GPR35: variants seen among roughly 807,000 people sequenced by gnomAD.
GPR35 encodes the protein KYNA receptor.
For missense variants in GPR35, 372 were observed against 422.5 expected, an observed-to-expected ratio of 0.88 and a Z score of 1.05; for synonymous variants, 207 against 198.4, an observed-to-expected ratio of 1.04 and a Z score of -0.36.
chr2:240,616,171 T>G (rs902723501), intron 2 of GPR35, among the ~76,000 whole-genome samples: 3 of 152,116 alleles, frequency 2.0e-5, no homozygotes, highest in African/African-American at 7.2e-5. Flanking sequence ...AAATGGGACG[T>G]AGAGGAGCCG....
At position 240,619,024 on chromosome 2, in the gene GPR35, G is replaced by A. The variant is rs189259871; in HGVS notation, c.-12G>A. The A allele has an allele frequency of 3.0e-4, 211 of 702,626 alleles. 1 individual carries two copies. The East Asian group carries it at 3.6e-3, about 12-fold the overall frequency. The allele number at this position is 702,626 out of a possible 1,614,324, so 43.5% of individuals were successfully genotyped here. On this transcript the variant is annotated 5_prime_UTR_variant, in exon 5 of 6. Coordinates refer to the GPR35 transcript ENST00000319838. Reference sequence around the variant, plus strand: ...GAAGTACATGCTTCATAGTCCTTGCGTCTCTCTGTGAGTACATTCCTAGAA... The same window carrying A: ...GAAGTACATGCTTCATAGTCCTTGCATCTCTCTGTGAGTACATTCCTAGAA...
upstream of GPR35, among the ~76,000 whole-genome samples, chr2:240,622,149 G>A (rs531149125): frequency 6.6e-6 from 1 of 152,262 alleles, no homozygotes; most frequent in African/African-American, 2.4e-5. Flanking sequence ...CAAAGTGCTG[G>A]GATTAGAGGC....
rs1575459803 is a variant in GPR35 at position 240,610,572 on chromosome 2, C to T, written c.-577+3960C>T. Reference sequence around the variant, plus strand: ...AACTCCTAGATTCAAGCAATCCTCCCATCTCAGCCTCCCAAGTAGCTAGGA... The same window carrying T: ...AACTCCTAGATTCAAGCAATCCTCCTATCTCAGCCTCCCAAGTAGCTAGGA... On this transcript the variant is annotated intron_variant, in intron 2 of 5. Transcript: ENST00000319838. Among the ~76,000 whole-genome samples, 4 of 152,218 alleles carry T rather than the reference C, an allele frequency of 2.6e-5. No individual in the cohort carries two copies. The South Asian group carries it at 8.3e-4, about 32-fold the overall frequency.
intron 1 of GPR35, chr2:240,627,348 A>G (rs1388344314): frequency 6.6e-6 from 1 of 152,274 alleles, no homozygotes; most frequent in Admixed American, 6.5e-5. Context: ...ACCCATGAAC[A>G]GGGCACTTCT....
upstream of GPR35, among the ~76,000 whole-genome samples, chr2:240,623,213 C>G (rs903364165): frequency 3.3e-5 from 5 of 152,212 alleles, no homozygotes; most frequent in African/African-American, 4.8e-5. Context: ...AGATAGAGTC[C>G]CACAAGCACA....
intron 3 of GPR35, chr2:240,616,866 G>A (rs1239344448): frequency 2.8e-6 from 2 of 723,572 alleles, no homozygotes; most frequent in African/African-American, 3.5e-5. Context: ...ATGCCATGCT[G>A]TGTGCTGCCC....
chr2:240,606,921 T>A (rs1020429730), intron 2 of GPR35, among the ~76,000 whole-genome samples: 1 of 152,234 alleles, frequency 6.6e-6, no homozygotes, highest in African/African-American at 2.4e-5. Context: ...AATCTTTCTC[T>A]GGCTGAAGTC....
rs543583170 is a variant in GPR35 at position 240,610,195 on chromosome 2, T to G, written c.-577+3583T>G. Among the ~76,000 whole-genome samples the G allele has an allele frequency of 5.9e-5, 9 of 152,290 alleles. No homozygotes were observed. In the East Asian group the frequency reaches 1.7e-3, roughly 29 times the overall value. Reference sequence around the variant, plus strand: ...GGCTGGTCTCAAGCTCCTGACCTTGTGGTCTGCCCACCTCAGCCTCCCAAA... The same window carrying G: ...GGCTGGTCTCAAGCTCCTGACCTTGGGGTCTGCCCACCTCAGCCTCCCAAA... On this transcript the variant is annotated intron_variant, in intron 2 of 5. Coordinates refer to the GPR35 transcript ENST00000319838.
chr2:240,610,510 G>C (rs946466844), intron 2 of GPR35, among the ~76,000 whole-genome samples: 1 of 152,062 alleles, frequency 6.6e-6, no homozygotes, highest in African/African-American at 2.4e-5. Context: ...ACTCAGCCTG[G>C]AATACAGTGG....
intron 1 of GPR35, among the ~76,000 whole-genome samples, chr2:240,625,773 T>C (rs1472494258): frequency 8.6e-6 from 1 of 116,770 alleles, no homozygotes; most frequent in African/African-American, 3.3e-5. Flanking sequence ...GTGATGGGGG[T>C]CTCAGAGCAG....
At chr2:240,617,692 A>T (rs1474482625) in intron 4 of GPR35, 1 of 172,124 alleles carries the variant, frequency 5.8e-6, no homozygotes, top group African/African-American at 2.4e-5. Flanking sequence ...TTCAACAATG[A>T]CTAATGAGTT....
chr2:240,625,785 G>T (rs1214901606), intron 1 of GPR35, among the ~76,000 whole-genome samples: 1 of 146,022 alleles, frequency 6.8e-6, no homozygotes, highest in Non-Finnish European at 1.5e-5. Flanking sequence ...TCAGAGCAGG[G>T]TGAGGCTGTG....
intron 2 of GPR35, among the ~76,000 whole-genome samples, chr2:240,615,618 G>A (rs1000001290): frequency 6.6e-6 from 1 of 152,202 alleles, no homozygotes; most frequent in Non-Finnish European, 1.5e-5. Context: ...GGCTCAAAAT[G>A]TTTTGAGATA....
intron 1 of GPR35, chr2:240,627,303 A>G (rs2043389192): frequency 6.6e-6 from 1 of 152,208 alleles, no homozygotes; most frequent in Admixed American, 6.5e-5. Flanking sequence ...GATTTCCTGA[A>G]CTTTTCTGGG....
intron 2 of GPR35, among the ~76,000 whole-genome samples, chr2:240,614,882 A>G (rs972339649): frequency 4.6e-5 from 7 of 151,634 alleles, no homozygotes; most frequent in African/African-American, 1.2e-4. Context: ...ATCTATATAT[A>G]TGTGTATGTG....
chr2:240,608,221 T>C (rs2043155357), intron 2 of GPR35, among the ~76,000 whole-genome samples: 2 of 152,232 alleles, frequency 1.3e-5, no homozygotes, highest in African/African-American at 4.8e-5. Flanking sequence ...TTATGTCACA[T>C]GTGACCATAG....
upstream of GPR35, among the ~76,000 whole-genome samples, chr2:240,622,530 CA>C (rs1210752972): frequency 2.0e-5 from 3 of 151,822 alleles, no homozygotes; most frequent in Admixed American, 6.5e-5. Flanking sequence ...AGCTGATGAG[CA>C]AAAAAAGGTC....
chr2:240,605,892 C>T (rs2043127931), intron 1 of GPR35, among the ~76,000 whole-genome samples: 1 of 152,220 alleles, frequency 6.6e-6, no homozygotes, highest in Non-Finnish European at 1.5e-5. Context: ...ACGTGAAGCC[C>T]TGCACATGGC....
upstream of GPR35, among the ~76,000 whole-genome samples, chr2:240,623,497 G>GGGCGCAAACA (rs1341240458): frequency 4.5e-4 from 65 of 145,090 alleles, 11 homozygotes; most frequent in African/African-American, 1.6e-3. Context: ...CAGGTCGTGA[G>GGGCGCAAACA]GGTGCAAACA....
Sources: allele counts gnomAD v4.1 joint callset (sites outside exome capture counted in the v4.1 genomes callset), GRCh38; gene constraint gnomAD v4.1.1; transcripts MANE v1.5; gene names NCBI Gene and HGNC (gene_info 2026-07-23, HGNC 2026-07-21).